The following POLR1C variants were observed in gnomAD, a reference collection of about 807,000 sequenced individuals.
The protein encoded by POLR1C is RNA polymerase I and III subunit C.
In POLR1C, 42 loss-of-function variants were observed where a neutral mutation model predicts 38.3. The observed-to-expected ratio is 1.10, with a 90% CI of 0.86 to 1.42. POLR1C has a LOEUF of 1.42. POLR1C is among the 40% of genes most tolerant of loss of function. The pLI, the probability that POLR1C is intolerant of heterozygous loss-of-function variation, is 0.00. For synonymous variants in POLR1C, 163 were observed against 163.9 expected (o/e 0.99, Z 0.04); for missense variants, 507 against 450.5 (o/e 1.13, Z -1.14).
At chr6:43,525,797 C>G, downstream of POLR1C, 1 of 1,601,150 alleles carries the variant, frequency 6.2e-7, no homozygotes, top group Non-Finnish European at 8.5e-7. Context: ...TGACTCCCCA[C>G]CTGGGCAAGG....
chr6:43,524,450 T>A (rs768229840), downstream of POLR1C: 8 of 1,610,472 alleles, frequency 5.0e-6, no homozygotes, highest in Non-Finnish European at 6.8e-6. Context: ...TTGGGAGCAC[T>A]ATTGAAGGTG....
chr6:43,525,240 C>A, downstream of POLR1C: 3 of 1,551,812 alleles, frequency 1.9e-6, no homozygotes, highest in Non-Finnish European at 2.6e-6. Flanking sequence ...TGAAGAGTTA[C>A]AATGGAAAAA....
In POLR1C at chr6:43,546,528, G is replaced by A. The variant is rs752669980; in HGVS notation, c.*5-4440G>A. ...AGACTAAACTTTTGAAATTTTTAAG[G>A]TAAAGTAGAAAACAACAGAGAAAAG... On this transcript the variant is annotated intron_variant, in intron 9 of 10. Transcript: ENST00000607635. 3.2e-6 allele frequency: 5 copies of A among 1,557,130 alleles called. No individual in the cohort carries two copies. The Admixed American group carries it at 8.2e-5, about 25-fold the overall frequency.
downstream of POLR1C, chr6:43,526,457 T>C: frequency 1.8e-6 from 1 of 560,942 alleles, no homozygotes; most frequent in Admixed American, 3.0e-5. Flanking sequence ...AGAGAAAAGA[T>C]CACATATATG....
At chr6:43,548,187 C>A (rs1168581145) in intron 9 of POLR1C, 6 of 1,430,550 alleles carry the variant, frequency 4.2e-6, no homozygotes, top group Admixed American at 2.2e-5. Context: ...ACCCCTACCC[C>A]ACCCTGGGCC....
In POLR1C at chr6:43,521,212, C is replaced by T; in HGVS notation, c.953C>T (p.Pro318Leu). 6.2e-7 allele frequency: 1 copy of T among 1,614,032 alleles called. No individual in the cohort carries two copies. The highest frequency in any genetic ancestry group is 8.5e-7 in the Non-Finnish European group (1 of 1,180,032). Residue 318 changes from proline to leucine, a missense_variant, in exon 9 of 9, where the codon CCA becomes CTA. Transcript: ENST00000642195. ...GTTGAGTCAACGGGGGTGTTGCCAC[C>T]AGATGTGCTGGTGAGTGAAGCCATC... ...FSVESTGVLP[P>L]DVLVSEAIKV...
At chr6:43,520,467 C>T (rs375198525) in intron 6 of POLR1C, 40 bp downstream of exon 6, 13 of 1,611,566 alleles carry the variant, frequency 8.1e-6, no homozygotes, top group Middle Eastern at 2.0e-4. Context: ...GGGGATAGTT[C>T]GGTTGCAGTG....
At chr6:43,550,980 G>C (rs922636981) in exon 10 of POLR1C, 2 of 184,876 alleles carry the variant, frequency 1.1e-5, no homozygotes, top group African/African-American at 4.7e-5. Context: ...TGTTCCTAAA[G>C]AGTGAGGCAC....
intron 10 of POLR1C, chr6:43,558,955 CT>C (rs1762257152): frequency 5.8e-6 from 1 of 173,502 alleles, no homozygotes; most frequent in East Asian, 1.6e-4. Context: ...ACTTGTAGAA[CT>C]TTGTATGTTT....
intron 9 of POLR1C, among the ~76,000 whole-genome samples, chr6:43,536,711 G>A (rs1052915444): frequency 1.3e-4 from 16 of 126,780 alleles, no homozygotes; most frequent in African/African-American, 4.9e-4. Flanking sequence ...AGTGAGCCAA[G>A]GTCGCGCCAC....
At chr6:43,559,251 C>G (rs1353274417) in intron 10 of POLR1C, among the ~76,000 whole-genome samples, 2 of 152,080 alleles carry the variant, frequency 1.3e-5, no homozygotes, top group African/African-American at 4.8e-5. Context: ...GAGCCAAGAT[C>G]GTGCCACTGC....
intron 10 of POLR1C, among the ~76,000 whole-genome samples, chr6:43,557,956 A>G (rs888617065): frequency 2.6e-5 from 4 of 151,962 alleles, no homozygotes; most frequent in South Asian, 4.1e-4. Flanking sequence ...TTAGCTGGGC[A>G]TGGTGGTGCA....
At chr6:43,517,469 G>C in intron 2 of POLR1C, 92 bp downstream of exon 2, 1 of 1,098,666 alleles carries the variant, frequency 9.1e-7, no homozygotes, top group South Asian at 1.2e-5. Flanking sequence ...TGCTCTTGGG[G>C]GTCGCTCCGT....
At chr6:43,541,116 T>C (rs919045700) in intron 9 of POLR1C, among the ~76,000 whole-genome samples, 1 of 151,878 alleles carries the variant, frequency 6.6e-6, no homozygotes, top group South Asian at 2.1e-4. Context: ...AGGGTAGTGG[T>C]GGGTTAGGGG....
downstream of POLR1C, chr6:43,523,432 T>G: frequency 3.2e-6 from 1 of 311,512 alleles, no homozygotes; most frequent in Non-Finnish European, 6.3e-6. Flanking sequence ...GGAGTTGGAG[T>G]GGTCCAAGAG....
At chr6:43,525,194 T>C, downstream of POLR1C, 1 of 1,579,906 alleles carries the variant, frequency 6.3e-7, no homozygotes, top group Non-Finnish European at 8.6e-7. Flanking sequence ...AGGCTGTAAT[T>C]AATAGCGCTG....
At chr6:43,546,788 AG>A (rs775586222) in intron 9 of POLR1C, 6 of 1,496,712 alleles carry the variant, frequency 4.0e-6, no homozygotes, top group Middle Eastern at 1.8e-4. Flanking sequence ...AAATATTAAA[AG>A]GAAAAAAAAA....
chr6:43,520,414 T>G lies in POLR1C; in HGVS notation c.642T>G (p.Cys214Trp). ...PGQEIDLLMH[C>W]VKGIGKDHAK... ...AAGAAATTGACCTGCTCATGCACTG[T>G]GTCAAGGGCATTGGTGAGAACCCTG... Residue 214 changes from cysteine (C) to tryptophan (W), a missense_variant, in exon 6 of 9, where the codon TGT (cysteine) becomes TGG (tryptophan). Coordinates refer to ENST00000642195, the MANE Select transcript of POLR1C (RefSeq NM_203290.4). The G allele has an allele frequency of 6.2e-7, 1 of 1,613,602 alleles. No individual in the cohort carries two copies.
chr6:43,558,950 T>C (rs867555250), intron 10 of POLR1C: 19 of 177,088 alleles, frequency 1.1e-4, no homozygotes, highest in Middle Eastern at 2.7e-3. Context: ...AATAAACTTG[T>C]AGAACTTTGT....
Sources: allele counts gnomAD v4.1 joint callset (sites outside exome capture counted in the v4.1 genomes callset), GRCh38; gene constraint gnomAD v4.1.1; transcripts MANE v1.5; gene names NCBI Gene and HGNC (gene_info 2026-07-23, HGNC 2026-07-21).